DYNLT2B: variants seen among roughly 807,000 people sequenced by gnomAD.
The protein encoded by DYNLT2B is dynein light chain Tctex-type protein 2B.
In DYNLT2B, 14 loss-of-function variants were observed where a neutral mutation model predicts 19.5. The ratio of observed to expected loss-of-function variants is 0.72; its 90% CI spans 0.47 to 1.12. The LOEUF is 1.12. Ranked by LOEUF, DYNLT2B falls within the 50% of genes most tolerant of loss-of-function variation. DYNLT2B has a pLI of 0.00. For missense variants in DYNLT2B, 133 were observed against 174.7 expected (o/e 0.76, Z 1.35); for synonymous variants, 70 against 59.7 (o/e 1.17, Z -0.79).
At chr3:196,295,398 T>G (rs1356085311) in intron 4 of DYNLT2B, among the ~76,000 whole-genome samples, 1 of 152,170 alleles carries the variant, frequency 6.6e-6, no homozygotes, top group African/African-American at 2.4e-5. Flanking sequence ...TGACCTCAGG[T>G]GATCCGCCCT....
Position 196,291,329 on chromosome 3 carries a change from A to C in DYNLT2B, c.427T>G (p.Ter143GlyextTer4), listed in dbSNP as rs2108788507. ...VVAAFGCFYY[*>G] is the part of the protein sequence containing the mutation. ...TTACCAGCTTTTCAAAGATTCATTC[A>C]GTAGTAGAAACAGCCAAATGCTGCT... The change falls in exon 5 of 5, where the codon TGA becomes GGA. Residue 143 changes from the stop codon to glycine, a stop_lost. Coordinates refer to ENST00000325318, the MANE Select transcript of DYNLT2B (RefSeq NM_152773.5). 1 of 1,609,852 alleles carries C rather than the reference A, an allele frequency of 6.2e-7. No individual in the cohort carries two copies. The highest frequency in any genetic ancestry group is 1.1e-5 in the South Asian group (1 of 89,930).
chr3:196,315,252 ATT>A (rs1577394965), intron 2 of DYNLT2B: 1 of 410,938 alleles, frequency 2.4e-6, no homozygotes, highest in African/African-American at 2.2e-5. Context: ...GAGATGTTTT[ATT>A]TTTTTATTTT....
At position 196,312,141 on chromosome 3, in the gene DYNLT2B, A is replaced by T. The variant is rs572901481; in HGVS notation, c.247+3957T>A. ...GTGATCCGCCCGCCTCGGCCTCCCTAAGTGCTGGGATTACAGGCGTGAGCC... is the reference window on the plus strand; with the variant it reads ...GTGATCCGCCCGCCTCGGCCTCCCTTAGTGCTGGGATTACAGGCGTGAGCC... On this transcript the variant is annotated intron_variant, in intron 2 of 4. Coordinates refer to ENST00000325318, the MANE Select transcript of DYNLT2B (RefSeq NM_152773.5). Among the ~76,000 whole-genome samples the T allele has an allele frequency of 2.0e-5, 3 of 152,216 alleles. No homozygotes were observed. The East Asian group carries it at 5.8e-4, about 30-fold the overall frequency.
chr3:196,307,332 C>T (rs926665210), intron 2 of DYNLT2B, among the ~76,000 whole-genome samples: 6 of 151,988 alleles, frequency 3.9e-5, no homozygotes, highest in African/African-American at 1.2e-4. Context: ...GATGGATTCT[C>T]ACTCTGTTGC....
chr3:196,311,561 TGG>T (rs1726643959), intron 2 of DYNLT2B, among the ~76,000 whole-genome samples: 2 of 152,118 alleles, frequency 1.3e-5, no homozygotes, highest in African/African-American at 4.8e-5. Flanking sequence ...TTCCTTTATA[TGG>T]AAAGAATAAA....
At chr3:196,302,021 C>T (rs1408704328) in intron 3 of DYNLT2B, among the ~76,000 whole-genome samples, 1 of 151,756 alleles carries the variant, frequency 6.6e-6, no homozygotes, top group Non-Finnish European at 1.5e-5. Flanking sequence ...GCACGAGAAT[C>T]GCTTAAACCC....
intron 2 of DYNLT2B, among the ~76,000 whole-genome samples, chr3:196,313,381 A>C (rs1269987644): frequency 6.6e-6 from 1 of 151,932 alleles, no homozygotes; most frequent in African/African-American, 2.4e-5. Context: ...TTTTTCTAAG[A>C]GACAGGGTTT....
intron 2 of DYNLT2B, 143 bp from the exon 3 acceptor site, chr3:196,307,155 G>A (rs1258757884): frequency 3.6e-5 from 24 of 662,618 alleles, no homozygotes; most frequent in Non-Finnish European, 2.6e-5. Flanking sequence ...TCAGGAGGAC[G>A]TGAAGGCAGA....
chr3:196,309,051 C>A (rs1726564025), intron 2 of DYNLT2B, among the ~76,000 whole-genome samples: 3 of 151,964 alleles, frequency 2.0e-5, no homozygotes, highest in South Asian at 2.1e-4. Context: ...TGTATGGGCA[C>A]AACAAAATGA....
chr3:196,318,233 TC>T lies in DYNLT2B; in HGVS notation c.-82del. ...CGCGGCCGGCAGCAGGGAAAGCGTC[TC>T]CAGGGCAACAGGGCCGCCCTCCCGC... On this transcript the variant is annotated 5_prime_UTR_variant, in exon 1 of 5. Coordinates refer to ENST00000325318, the MANE Select transcript of DYNLT2B (RefSeq NM_152773.5). 4 of 763,554 alleles carry T rather than the reference TC, an allele frequency of 5.2e-6. No homozygotes were observed. The highest frequency in any genetic ancestry group is 7.7e-6 in the Non-Finnish European group (4 of 519,520). 47.3% of individuals were successfully genotyped at this position (763,554 alleles called of 1,614,324 possible). A position where few individuals can be genotyped will look rare whatever the true frequency, so the allele number is the denominator to read the frequency against.
At chr3:196,308,846 A>T (rs760256038) in intron 2 of DYNLT2B, among the ~76,000 whole-genome samples, 1 of 152,322 alleles carries the variant, frequency 6.6e-6, no homozygotes, top group East Asian at 1.9e-4. Flanking sequence ...CTAGAATAAT[A>T]CTCAGCCCTT....
intron 3 of DYNLT2B, among the ~76,000 whole-genome samples, chr3:196,306,612 G>A (rs1726496164): frequency 6.6e-6 from 1 of 151,894 alleles, no homozygotes; most frequent in Admixed American, 6.6e-5. Context: ...GCAATGACAC[G>A]ATCTTGGCTC....
At chr3:196,298,101 A>G in intron 3 of DYNLT2B, 1 of 324,988 alleles carries the variant, frequency 3.1e-6, no homozygotes, top group Non-Finnish European at 6.0e-6. Context: ...TCTCCTTTCC[A>G]GTTGTGCCTG....
At chr3:196,307,511 C>T (rs1726519787) in intron 2 of DYNLT2B, among the ~76,000 whole-genome samples, 1 of 152,016 alleles carries the variant, frequency 6.6e-6, no homozygotes, top group African/African-American at 2.4e-5. Context: ...CCATGTTGCC[C>T]AGGCTGGTCT....
intron 2 of DYNLT2B, among the ~76,000 whole-genome samples, chr3:196,311,324 A>T (rs1577393130): frequency 6.6e-6 from 1 of 151,714 alleles, no homozygotes; most frequent in East Asian, 1.9e-4. Flanking sequence ...CGGAGATGGG[A>T]GGATTGCTTG....
At position 196,303,711 on chromosome 3, in the gene DYNLT2B, CAA is replaced by C. The variant is rs146322385; in HGVS notation, c.317+3230_317+3231del. 4.4e-3 allele frequency among the ~76,000 whole-genome samples: 670 copies of C among 151,990 alleles called. 16 individuals are homozygous for C. In the South Asian group the frequency reaches 0.07, roughly 16 times the overall value. On this transcript the variant is annotated intron_variant, in intron 3 of 4. Coordinates refer to ENST00000325318, the MANE Select transcript of DYNLT2B (RefSeq NM_152773.5). ...GAAACTGTTACCGCCAAGAAGAGCC[CAA>C]AGAGACATTTAATGTGGTATCCTAG...
chr3:196,311,540 T>A (rs1257730819), intron 2 of DYNLT2B, among the ~76,000 whole-genome samples: 1 of 152,074 alleles, frequency 6.6e-6, no homozygotes, highest in East Asian at 1.9e-4. Context: ...TATTCAGAGA[T>A]ATAAGGAAAT....
Position 196,316,157 on chromosome 3 carries a change from G to GGA in DYNLT2B, c.186_187dup (p.Pro63LeufsTer20). The GGA allele has an allele frequency of 6.2e-7, 1 of 1,613,748 alleles. No homozygotes were observed. Among genetic ancestry groups the GGA allele is most frequent in the South Asian group, 1.1e-5 (1 of 91,006 alleles). On this transcript the variant is annotated frameshift_variant, in exon 2 of 5. Coordinates refer to ENST00000325318, the MANE Select transcript of DYNLT2B (RefSeq NM_152773.5). LOFTEE classifies it high-confidence loss of function. ...TTTTGTAAGCTGAGGCATTTCTTCT[G>GGA]GAGAATATTCAGCATTTGCCAGTTC...
chr3:196,300,783 C>T (rs1039162398), intron 3 of DYNLT2B, among the ~76,000 whole-genome samples: 1 of 147,934 alleles, frequency 6.8e-6, no homozygotes, highest in African/African-American at 2.5e-5. Context: ...GGTGTGGTGG[C>T]TCACACCTAT....
Sources: allele counts gnomAD v4.1 joint callset (sites outside exome capture counted in the v4.1 genomes callset), GRCh38; gene constraint gnomAD v4.1.1; transcripts MANE v1.5; gene names NCBI Gene and HGNC (gene_info 2026-07-23, HGNC 2026-07-21).